The following GUCY1A2 variants were observed in gnomAD, a reference collection of about 807,000 sequenced individuals.
The protein encoded by GUCY1A2 is guanylate cyclase soluble subunit alpha-2.
GUCY1A2 carries 27 observed loss-of-function variants against 63.5 expected under a neutral mutation model. That is an observed-to-expected ratio of 0.43 (90% CI 0.31 to 0.59). The LOEUF (loss-of-function observed/expected upper bound fraction) is 0.59, where lower values mean the gene tolerates loss of function less well. Among genes scored for constraint, GUCY1A2 ranks in the 20% least tolerant of loss-of-function variants. The pLI is 0.11. For synonymous variants in GUCY1A2, 364 were observed against 343.5 expected (o/e 1.06, Z -0.66); for missense variants, 768 against 913.3 (o/e 0.84, Z 2.05).
chr11:106,782,723 G>A (rs147816708), intron 5 of GUCY1A2, among the ~76,000 whole-genome samples: 369 of 152,060 alleles, frequency 2.4e-3, no homozygotes, highest in African/African-American at 8.6e-3. Flanking sequence ...GTCAATGGCG[G>A]TCTGCACAAG....
intron 6 of GUCY1A2, among the ~76,000 whole-genome samples, chr11:106,730,084 ATATATATATATT>A (rs1224910938): frequency 0.026 from 3,538 of 135,162 alleles, 96 homozygotes; most frequent in Middle Eastern, 0.045. Flanking sequence ...ATATATATAT[ATATATATATATT>A]ATAGTATATA....
chr11:107,017,296 T>C (rs1233476537), intron 1 of GUCY1A2, among the ~76,000 whole-genome samples: 1 of 151,978 alleles, frequency 6.6e-6, no homozygotes, highest in African/African-American at 2.4e-5. Context: ...CAAGAGAGTG[T>C]GGGAAATAAG....
In GUCY1A2 at chr11:107,015,865, T is replaced by C. The variant is rs112302193; in HGVS notation, c.303+1888A>G. ...GAACAGCAAAGAGTAGCCAATCTAT[T>C]CTGAGGATTGTTTTCTAGGTTAATG... is the stretch of plus-strand genomic sequence containing the variant. On this transcript the variant is annotated intron_variant, in intron 1 of 7. Coordinates refer to ENST00000526355, the MANE Select transcript of GUCY1A2 (RefSeq NM_000855.3). Among the ~76,000 whole-genome samples the C allele has an allele frequency of 7.3e-3, 1,108 of 152,272 alleles. 11 individuals carry two copies. Among genetic ancestry groups the C allele is most frequent in the African/African-American group, 0.026 (1,064 of 41,548 alleles).
chr11:106,891,439 T>C (rs935776842), intron 4 of GUCY1A2, among the ~76,000 whole-genome samples: 1 of 152,134 alleles, frequency 6.6e-6, no homozygotes, highest in Non-Finnish European at 1.5e-5. Flanking sequence ...AATATTTAAT[T>C]TTGATGAAAT....
chr11:106,810,246 T>C lies in GUCY1A2; in HGVS notation c.1439A>G (p.His480Arg), dbSNP rs1025558853. The change falls in exon 5 of 8, where the codon CAC becomes CGC. Residue 480 changes from histidine to arginine, a missense_variant. Physicochemically the swap from His to Arg is conservative, Grantham distance 29. Transcript: ENST00000526355. ...CTTTTTCTCTTCTTCCAGGGCCTGG[T>C]GAGTTCTTTCTAAAGTTGCCTTTAA... ...DKLKATLERT[H>R]QALEEEKKKT... 1 of 1,613,892 alleles carries C rather than the reference T, an allele frequency of 6.2e-7. No individual in the cohort carries two copies. Among genetic ancestry groups the C allele is most frequent in the Non-Finnish European group, 8.5e-7 (1 of 1,179,852 alleles).
rs367596166 is a variant in GUCY1A2, at chr11:106,912,597, T to A, written c.1206+26863A>T. On this transcript the variant is annotated intron_variant, in intron 4 of 7. Coordinates refer to ENST00000526355, the MANE Select transcript of GUCY1A2 (RefSeq NM_000855.3). ...TGAGAAAACTGCAGTGGGGTGAGGT[T>A]TAACTGTGCAGTTCTCTATATTCAA... 4.6e-5 allele frequency among the ~76,000 whole-genome samples: 7 copies of A among 152,226 alleles called. No homozygotes were observed. The East Asian group carries it at 9.7e-4, about 21-fold the overall frequency.
intron 4 of GUCY1A2, among the ~76,000 whole-genome samples, chr11:106,904,222 C>T (rs1285581504): frequency 6.6e-6 from 1 of 152,150 alleles, no homozygotes; most frequent in Admixed American, 6.6e-5. Context: ...GGCTAATTAT[C>T]CACAAAGCAG....
intron 4 of GUCY1A2, among the ~76,000 whole-genome samples, chr11:106,927,352 A>G (rs1046001951): frequency 9.9e-5 from 15 of 151,646 alleles, no homozygotes; most frequent in Non-Finnish European, 2.1e-4. Flanking sequence ...CAGCCTGGGC[A>G]ACAGAGCGAG....
At chr11:106,883,121 T>C (rs1859849013) in intron 4 of GUCY1A2, among the ~76,000 whole-genome samples, 1 of 152,080 alleles carries the variant, frequency 6.6e-6, no homozygotes, top group Non-Finnish European at 1.5e-5. Context: ...TTGAAGGGAA[T>C]TAAAATAACA....
At chr11:106,771,778 A>C (rs1864261079) in intron 6 of GUCY1A2, among the ~76,000 whole-genome samples, 1 of 151,896 alleles carries the variant, frequency 6.6e-6, no homozygotes, top group Non-Finnish European at 1.5e-5. Context: ...AGAAAATCAG[A>C]TTCTCCCTTG....
Position 106,678,261 on chromosome 11 carries a change from CA to C in GUCY1A2, c.*9287del, listed in dbSNP as rs1213742697. The C allele has an allele frequency of 4.9e-6, 1 of 202,666 alleles. No individual in the cohort carries two copies. Among genetic ancestry groups the C allele is most frequent in the Non-Finnish European group, 1.0e-5 (1 of 98,806 alleles). The allele number at this position is 202,666 out of a possible 1,614,324, so 12.6% of individuals were successfully genotyped here. A position where few individuals can be genotyped will look rare whatever the true frequency, so the allele number is the denominator to read the frequency against. Reference sequence around the variant, plus strand: ...ACTTTGTAGTCAAAGAATACAAAAGCAATTTATCTGAGAGTCCAAGCCAAGG... The same window carrying C: ...ACTTTGTAGTCAAAGAATACAAAAGCATTTATCTGAGAGTCCAAGCCAAGG... On this transcript the variant is annotated 3_prime_UTR_variant, in exon 8 of 8. Transcript: ENST00000526355.
intron 5 of GUCY1A2, among the ~76,000 whole-genome samples, chr11:106,778,056 C>T (rs536996945): frequency 7.9e-4 from 120 of 152,192 alleles, no homozygotes; most frequent in Admixed American, 1.6e-3. Context: ...AAGCATAGAA[C>T]ATGGAATAAA....
At chr11:106,899,847 G>A (rs1406305975) in intron 4 of GUCY1A2, among the ~76,000 whole-genome samples, 1 of 152,088 alleles carries the variant, frequency 6.6e-6, no homozygotes, top group Non-Finnish European at 1.5e-5. Flanking sequence ...CACTTTGGGA[G>A]GCCGAGGAGG....
intron 4 of GUCY1A2, among the ~76,000 whole-genome samples, chr11:106,820,645 G>A (rs546835498): frequency 1.3e-5 from 2 of 152,204 alleles, no homozygotes; most frequent in South Asian, 4.1e-4. Context: ...TGATCCACCC[G>A]CCTCAGCCTC....
intron 6 of GUCY1A2, among the ~76,000 whole-genome samples, chr11:106,732,219 G>C (rs1170588162): frequency 6.6e-6 from 1 of 151,942 alleles, no homozygotes; most frequent in East Asian, 1.9e-4. Context: ...CAGAAATCAG[G>C]CCGCAAACCT....
At chr11:106,782,642 A>G (rs1864484960) in intron 5 of GUCY1A2, among the ~76,000 whole-genome samples, 1 of 152,140 alleles carries the variant, frequency 6.6e-6, no homozygotes. Context: ...GGGCTTCTCC[A>G]ATGGTTGGCC....
chr11:106,759,167 G>GA (rs5794492), intron 6 of GUCY1A2, among the ~76,000 whole-genome samples: 29,907 of 140,486 alleles, frequency 0.21, 4,212 homozygotes, highest in African/African-American at 0.42. Context: ...TGAAATTATT[G>GA]AAAAAAAAAA....
intron 3 of GUCY1A2, among the ~76,000 whole-genome samples, chr11:106,962,776 TTA>T (rs767595195): frequency 0.01 from 1,513 of 148,034 alleles, 20 homozygotes; most frequent in African/African-American, 0.028. Flanking sequence ...TTATATATAT[TTA>T]TATATATATA....
chr11:106,881,940 A>C (rs965770729), intron 4 of GUCY1A2, among the ~76,000 whole-genome samples: 4 of 152,022 alleles, frequency 2.6e-5, no homozygotes, highest in Non-Finnish European at 5.9e-5. Flanking sequence ...AAAAAGTATC[A>C]ATCAAAAATC....
Sources: gnomAD v4.1 joint callset for allele counts (sites outside exome capture counted in the v4.1 genomes callset) on GRCh38, gnomAD v4.1.1 for gene constraint, MANE v1.5 for transcripts, NCBI Gene and HGNC (gene_info 2026-07-23, HGNC 2026-07-21) for gene names.